The following PZP variants were observed in gnomAD, a reference collection of about 807,000 sequenced individuals.
PZP encodes pregnancy zone protein.
A neutral mutation model predicts 179.8 loss-of-function variants in PZP; 150 were observed. The ratio of observed to expected loss-of-function variants is 0.83; its 90% CI spans 0.73 to 0.96. PZP has a LOEUF of 0.96. Ranked by LOEUF, PZP falls within the 40% of genes least tolerant of loss-of-function variation. The pLI is 0.00. For synonymous variants in PZP, 624 were observed against 652.3 expected (o/e 0.96, Z 0.66); for missense variants, 1,689 against 1,764.0 (o/e 0.96, Z 0.76).
chr12:9,183,562 G>C (rs1942912642), intron 13 of PZP, among the ~76,000 whole-genome samples: 1 of 152,086 alleles, frequency 6.6e-6, no homozygotes, highest in Non-Finnish European at 1.5e-5. Flanking sequence ...ACCACGTTTG[G>C]CTAATTTTTT....
chr12:9,136,748 T>C, the PZP span, among the ~76,000 whole-genome samples: 2 of 152,214 alleles, frequency 1.3e-5, no homozygotes, highest in East Asian at 1.9e-4. Context: ...TATCTCATTG[T>C]GGTTTTGATT....
chr12:9,195,208 T>C (rs1042096368), intron 10 of PZP, among the ~76,000 whole-genome samples: 1 of 152,050 alleles, frequency 6.6e-6, no homozygotes, highest in African/African-American at 2.4e-5. Flanking sequence ...CTCCCCAAAA[T>C]TGATACTATG....
intron 15 of PZP, among the ~76,000 whole-genome samples, chr12:9,173,356 C>G (rs1942130864): frequency 6.6e-6 from 1 of 152,114 alleles, no homozygotes; most frequent in South Asian, 2.1e-4. Context: ...CACTAAGTGC[C>G]TGCATCTAAA....
At position 9,158,422 on chromosome 12, in the gene PZP, T is replaced by A. The variant is rs1455496469; in HGVS notation, c.3292A>T (p.Lys1098Ter). 2 of 1,614,048 alleles carry A rather than the reference T, an allele frequency of 1.2e-6. No individual in the cohort carries two copies. The highest frequency in any genetic ancestry group is 2.7e-5 in the African/African-American group (2 of 74,928). ...SSGSLLNNAI[K>*]GGVEDEATLS... ...CAGAAGTTTGTGGAACAGTTCACCT[T>A]TATGGCATTGTTGAGCAGTGACCCA... Residue 1098 changes from lysine to a stop codon, truncating the protein, a stop_gained and splice_region_variant, in exon 26 of 36, where the codon AAG becomes TAG. Transcript: ENST00000261336. LOFTEE classifies it high-confidence loss of function.
At chr12:9,152,345 A>T (rs186713768) in intron 31 of PZP, 35 bp from the exon 32 acceptor site, 3 of 1,556,544 alleles carry the variant, frequency 1.9e-6, no homozygotes, top group African/African-American at 2.7e-5. Context: ...TTAGGGTTTT[A>T]TACGTGAAAG....
intron 33 of PZP, among the ~76,000 whole-genome samples, chr12:9,151,307 C>T (rs774441974): frequency 6.6e-6 from 1 of 152,072 alleles, no homozygotes; most frequent in Non-Finnish European, 1.5e-5. Flanking sequence ...TTATTCATAT[C>T]GTCAGGGAGT....
intron 16 of PZP, 121 bp from the exon 17 acceptor site, chr12:9,169,095 T>G (rs746428784): frequency 2.8e-5 from 19 of 677,952 alleles, no homozygotes; most frequent in Non-Finnish European, 4.0e-5. Flanking sequence ...GGCGAAACAC[T>G]TGACAGTAAA....
downstream of PZP, among the ~76,000 whole-genome samples, chr12:9,148,508 A>T (rs1020891936): frequency 6.6e-6 from 1 of 152,008 alleles, no homozygotes; most frequent in African/African-American, 2.4e-5. Flanking sequence ...ATGCACTTTA[A>T]TTATCAATTC....
At chr12:9,190,370 A>G (rs1366648834) in intron 13 of PZP, among the ~76,000 whole-genome samples, 3 of 152,232 alleles carry the variant, frequency 2.0e-5, no homozygotes, top group South Asian at 2.1e-4. Context: ...GCTAGAAGCT[A>G]TCATTCTTAG....
intron 17 of PZP, chr12:9,167,021 T>C (rs1941635854): frequency 6.6e-6 from 1 of 152,242 alleles, no homozygotes; most frequent in Non-Finnish European, 1.5e-5. Context: ...CTAACAGTTT[T>C]CTCCACTGAA....
intron 20 of PZP, 67 bp downstream of exon 20, chr12:9,164,066 T>TG: frequency 6.6e-7 from 1 of 1,504,744 alleles, no homozygotes; most frequent in Non-Finnish European, 9.1e-7. Context: ...GAGAATATGA[T>TG]GAAAAAAGTA....
At position 9,154,034 on chromosome 12, in the gene PZP, G is replaced by A. The variant is rs768045729; in HGVS notation, c.3774+582C>T. ...GAATGAAGAAGCTGAGTTCCTTGGAGTAGTTGAAATGGAACTTCTCATTCC... is the reference window on the plus strand; with the variant it reads ...GAATGAAGAAGCTGAGTTCCTTGGAATAGTTGAAATGGAACTTCTCATTCC... On this transcript the variant is annotated intron_variant, in intron 29 of 35. Coordinates refer to ENST00000261336, the MANE Select transcript of PZP (RefSeq NM_002864.3). 5.3e-5 allele frequency among the ~76,000 whole-genome samples: 8 copies of A among 152,344 alleles called. No homozygotes were observed. In the East Asian group the frequency reaches 1.5e-3, roughly 29 times the overall value.
chr12:9,197,346 T>A (rs1943838947), intron 7 of PZP, among the ~76,000 whole-genome samples: 2 of 144,814 alleles, frequency 1.4e-5, no homozygotes, highest in South Asian at 2.1e-4. Context: ...TGGGATTGAA[T>A]ATATATATTT....
At chr12:9,171,062 A>T (rs902375151) in intron 15 of PZP, among the ~76,000 whole-genome samples, 2 of 152,158 alleles carry the variant, frequency 1.3e-5, no homozygotes, top group Non-Finnish European at 2.9e-5. Context: ...AGACCTCCCA[A>T]TGAGGGTCTC....
chr12:9,160,381 G>C lies in PZP; in HGVS notation c.2982C>G (p.Asn994Lys), dbSNP rs765522788. The change falls in exon 24 of 36, where the codon AAC becomes AAG. Residue 994 changes from asparagine (N) to lysine (K), a missense_variant. This residue lies in a region of PZP where 746 missense variants were observed against 749.2 expected (regional missense o/e 1.00). Transcript: ENST00000261336. ...TCAGCTGCTGGGTTTCATTCAGATA[G>C]TTCAAGACATAGATGTTAGGAGCAA... ...VLFAPNIYVL[N>K]YLNETQQLTQ... 5 of 1,614,154 alleles carry C rather than the reference G, an allele frequency of 3.1e-6. No homozygotes were observed. The highest frequency in any genetic ancestry group is 2.2e-5 in the East Asian group (1 of 44,872).
rs1380851897 is a variant in PZP, at chr12:9,183,771, T to A, written c.1547-1654A>T. ...AAAATTGTTATAACTCTACGTAGAA[T>A]GTGGAATTTTTCCAACTTCATGCAA... is the stretch of plus-strand genomic sequence containing the variant. On this transcript the variant is annotated intron_variant, in intron 13 of 35. Coordinates refer to ENST00000261336, the MANE Select transcript of PZP (RefSeq NM_002864.3). 1.3e-5 allele frequency among the ~76,000 whole-genome samples: 2 copies of A among 152,194 alleles called. 1 individual carries two copies. Among genetic ancestry groups the A allele is most frequent in the East Asian group, 3.8e-4 (2 of 5,196 alleles).
chr12:9,192,004 T>G (rs1943482850), intron 13 of PZP, among the ~76,000 whole-genome samples, 189 bp downstream of exon 13: 1 of 152,062 alleles, frequency 6.6e-6, no homozygotes, highest in Non-Finnish European at 1.5e-5. Flanking sequence ...TGATACAGAG[T>G]AGACAATCAC....
intron 12 of PZP, 25 bp from the exon 13 acceptor site, chr12:9,192,281 A>G: frequency 6.2e-7 from 1 of 1,609,594 alleles, no homozygotes; most frequent in Non-Finnish European, 8.5e-7. Flanking sequence ...CAGTGAAGGA[A>G]ATTTCTTGAG....
At chr12:9,159,653 G>T (rs1941026209) in intron 25 of PZP, among the ~76,000 whole-genome samples, 1 of 151,782 alleles carries the variant, frequency 6.6e-6, no homozygotes, top group Admixed American at 6.6e-5. Context: ...GAAAAGAAGA[G>T]AAGGAGAGAC....
Sources: allele counts gnomAD v4.1 joint callset (sites outside exome capture counted in the v4.1 genomes callset), GRCh38; gene constraint gnomAD v4.1.1; regional missense constraint gnomAD v4.1.1; transcripts MANE v1.5; gene names NCBI Gene and HGNC (gene_info 2026-07-23, HGNC 2026-07-21).